Variants in GNG4 observed in about 807,000 individuals in gnomAD.
The protein encoded by GNG4 is G protein subunit gamma 4, also known as guanine nucleotide-binding protein G(I)/G(S)/G(O) subunit gamma-4.
In GNG4, 4 loss-of-function variants were observed where a neutral mutation model predicts 5.8. The ratio of observed to expected loss-of-function variants is 0.69; its 90% confidence interval spans 0.34 to 1.57. The LOEUF is 1.57. Ranked by LOEUF, GNG4 falls within the 40% of genes most tolerant of loss-of-function variation. The pLI, the probability that GNG4 is intolerant of heterozygous loss-of-function variation, is 0.06. For missense variants in GNG4, 96 were observed against 95.1 expected (o/e 1.01, Z -0.04); for synonymous variants, 29 against 32.9 (o/e 0.88, Z 0.41).
chr1:235,606,944 CTTTTTTTTTTTTTTTT>C (rs1181596456), intron 1 of GNG4, among the ~76,000 whole-genome samples: 1 of 123,722 alleles, frequency 8.1e-6, no homozygotes. Context: ...CCTTTCTTTC[CTTTTTTTTTTTTTTTT>C]TTTTGAGACA....
chr1:235,613,018 T>C (rs960314547), intron 1 of GNG4, among the ~76,000 whole-genome samples: 1 of 152,024 alleles, frequency 6.6e-6, no homozygotes, highest in South Asian at 2.1e-4. Context: ...ACAAGTCCAA[T>C]TCATGAGGGC....
rs553529591 is a variant in GNG4 at position 235,642,456 on chromosome 1, C to T, written c.-123+7206G>A. ...TGCAGCAAGAGACGGGTGCTAACAG[C>T]GTCCGAGCCAATCCGTAAGCATCAG... is the stretch of plus-strand genomic sequence containing the variant. On this transcript the variant is annotated intron_variant, in intron 1 of 3. Transcript: ENST00000391854. This position sits in a 1 kb window ranked among gnomAD's most constrained non-coding sequence, Gnocchi z 4.3. Among the ~76,000 whole-genome samples the T allele has an allele frequency of 6.6e-6, 1 of 152,302 alleles. No individual in the cohort carries two copies. The highest frequency in any genetic ancestry group is 1.9e-4 in the East Asian group (1 of 5,178).
At chr1:235,572,892 T>C (rs939034078) in intron 3 of GNG4, among the ~76,000 whole-genome samples, 2 of 152,206 alleles carry the variant, frequency 1.3e-5, no homozygotes, top group African/African-American at 2.4e-5. Flanking sequence ...CCTGACAGTA[T>C]ATATCTCTCT....
chr1:235,587,312 GGTGT>G lies in GNG4; in HGVS notation c.-10-3468_-10-3465del, dbSNP rs1342173591. Among the ~76,000 whole-genome samples, 8 of 73,492 alleles carry G rather than the reference GGTGT, an allele frequency of 1.1e-4. No individual in the cohort carries two copies. In the South Asian group the frequency reaches 3.0e-3, roughly 27 times the overall value. The allele number at this position is 73,492 out of a possible 152,430, so 48.2% of individuals were successfully genotyped here. ...GGTTGGGGTGTGTGTGAGGGTGAGG[GGTGT>G]GTGTGTGTGAGAGTGTGAGAGCATG... On this transcript the variant is annotated intron_variant, in intron 2 of 3. Transcript: ENST00000391854.
chr1:235,568,050 T>C (rs1193412033), intron 3 of GNG4, among the ~76,000 whole-genome samples: 1 of 152,198 alleles, frequency 6.6e-6, no homozygotes, highest in Non-Finnish European at 1.5e-5. Context: ...CCCTCCAGCA[T>C]GACCCTATAA....
intron 2 of GNG4, among the ~76,000 whole-genome samples, chr1:235,589,506 C>T (rs948788874): frequency 2.0e-5 from 3 of 152,164 alleles, no homozygotes; most frequent in Non-Finnish European, 4.4e-5. Flanking sequence ...ATTTCACCTG[C>T]TTATGGCCCC....
chr1:235,552,382 G>C (rs2102907503), intron 3 of GNG4, 145 bp from the exon 4 acceptor site: 1 of 720,834 alleles, frequency 1.4e-6, no homozygotes, highest in Middle Eastern at 4.0e-4. Context: ...GCCCAGGCTG[G>C]AGGGAGGGTT....
At chr1:235,620,526 T>C (rs1688687683) in intron 1 of GNG4, among the ~76,000 whole-genome samples, 1 of 135,168 alleles carries the variant, frequency 7.4e-6, no homozygotes, top group Non-Finnish European at 1.5e-5. Flanking sequence ...AATGTGCAGT[T>C]TGTTTGTTTG....
At chr1:235,619,184 CATATATATACACACACACATAT>C (rs1358234126) in intron 1 of GNG4, among the ~76,000 whole-genome samples, 1 of 69,638 alleles carries the variant, frequency 1.4e-5, no homozygotes, top group African/African-American at 6.8e-5. Context: ...TATACACACA[CATATATATACACACACACATAT>C]ATATATATAC....
chr1:235,583,496 T>C (rs1445275941), intron 3 of GNG4, among the ~76,000 whole-genome samples: 2 of 152,358 alleles, frequency 1.3e-5, no homozygotes, highest in East Asian at 3.9e-4. Context: ...CCGAGATGAA[T>C]TATGAGTCTA....
intron 1 of GNG4, among the ~76,000 whole-genome samples, chr1:235,598,553 G>A (rs1362465868): frequency 6.6e-6 from 1 of 152,060 alleles, no homozygotes; most frequent in African/African-American, 2.4e-5. Flanking sequence ...AGGCTGCAGT[G>A]AGCTGTAATC....
chr1:235,619,273 T>C (rs1040289980), intron 1 of GNG4, among the ~76,000 whole-genome samples: 7 of 151,256 alleles, frequency 4.6e-5, no homozygotes, highest in Admixed American at 1.3e-4. Flanking sequence ...GGTGTGGGCC[T>C]GTAGTCCCAA....
At chr1:235,634,767 AC>A (rs35125484) in intron 1 of GNG4, among the ~76,000 whole-genome samples, 6,225 of 151,916 alleles carry the variant, frequency 0.041, 290 homozygotes, top group African/African-American at 0.11. Flanking sequence ...ACATGGAGAA[AC>A]CCTGTTTCTA....
At chr1:235,591,097 G>A (rs1367371279) in intron 2 of GNG4, among the ~76,000 whole-genome samples, 1 of 152,182 alleles carries the variant, frequency 6.6e-6, no homozygotes, top group East Asian at 1.9e-4. Context: ...GGGGAACATG[G>A]AGGTCCGGTT....
chr1:235,574,506 G>A (rs1459669193), intron 3 of GNG4, among the ~76,000 whole-genome samples: 1 of 152,146 alleles, frequency 6.6e-6, no homozygotes, highest in African/African-American at 2.4e-5. Flanking sequence ...CAGATGTTCT[G>A]CTTCTTTGTT....
intron 1 of GNG4, among the ~76,000 whole-genome samples, chr1:235,611,310 G>A (rs1348846096): frequency 6.6e-6 from 1 of 151,906 alleles, no homozygotes; most frequent in African/African-American, 2.4e-5. Context: ...TGAGACTACA[G>A]GTGTGTGCCA....
At chr1:235,612,273 C>T (rs760281582) in intron 1 of GNG4, among the ~76,000 whole-genome samples, 3 of 152,146 alleles carry the variant, frequency 2.0e-5, no homozygotes, top group Non-Finnish European at 4.4e-5. Context: ...GACAGAGGCC[C>T]TGGCCTGCCA....
At chr1:235,557,292 T>C (rs1686941339) in intron 3 of GNG4, among the ~76,000 whole-genome samples, 2 of 133,746 alleles carry the variant, frequency 1.5e-5, no homozygotes, top group South Asian at 4.6e-4. Context: ...CATTCTCACC[T>C]GCCCATCCAT....
At chr1:235,608,554 A>T (rs1688411355) in intron 1 of GNG4, among the ~76,000 whole-genome samples, 1 of 152,216 alleles carries the variant, frequency 6.6e-6, no homozygotes, top group African/African-American at 2.4e-5. Flanking sequence ...GATCCTGGCA[A>T]CCAACAGTCT....
Sources: allele counts gnomAD v4.1 joint callset (sites outside exome capture counted in the v4.1 genomes callset), GRCh38; gene constraint gnomAD v4.1.1; non-coding constraint Gnocchi (gnomAD v3.1); transcripts MANE v1.5; gene names NCBI Gene and HGNC (gene_info 2026-07-23, HGNC 2026-07-21).